The following RYR2 variants were observed in gnomAD, a reference collection of about 807,000 sequenced individuals.
RYR2 encodes cardiac muscle ryanodine receptor-calcium release channel.
Under a neutral mutation model 601.1 loss-of-function variants are expected in RYR2, and 227 were observed. The observed-to-expected ratio is 0.38, with a 90% CI of 0.34 to 0.42. The LOEUF is 0.42. RYR2 is among the 10% of genes least tolerant of loss of function. RYR2 has a pLI of 1.00. For synonymous variants in RYR2, 2,223 were observed against 2,175.1 expected, an observed-to-expected ratio of 1.02 and a Z score of -0.61; for missense variants, 4,646 against 6,156.5, an observed-to-expected ratio of 0.75 and a Z score of 8.21.
At chr1:237,609,229 A>G (rs35601523) in intron 35 of RYR2, among the ~76,000 whole-genome samples, 44,838 of 86,220 alleles carry the variant, frequency 0.52, 8,975 homozygotes, top group South Asian at 0.57. Context: ...TTTCTTTCTT[A>G]CTGACAGTCT....
intron 1 of RYR2, among the ~76,000 whole-genome samples, chr1:237,140,091 A>AT (rs1237806101): frequency 1.3e-5 from 2 of 152,264 alleles, no homozygotes; most frequent in African/African-American, 2.4e-5. Context: ...AAAAAAAGAA[A>AT]TCAGAATGAA....
intron 1 of RYR2, among the ~76,000 whole-genome samples, chr1:237,108,279 G>T (rs963670054): frequency 6.6e-6 from 1 of 152,136 alleles, no homozygotes; most frequent in African/African-American, 2.4e-5. Flanking sequence ...GGATCGGAGG[G>T]GCCCAGTATA....
chr1:237,322,452 G>T (rs1397962236), intron 2 of RYR2, among the ~76,000 whole-genome samples: 1 of 152,150 alleles, frequency 6.6e-6, no homozygotes, highest in Non-Finnish European at 1.5e-5. Context: ...TATGGCTGTT[G>T]TGGCAAAGGT....
chr1:237,697,816 T>C (rs1687626524), intron 63 of RYR2, among the ~76,000 whole-genome samples: 1 of 152,032 alleles, frequency 6.6e-6, no homozygotes, highest in Non-Finnish European at 1.5e-5. Context: ...AATCCTACCA[T>C]TCTGCTCATT....
At position 237,496,722 on chromosome 1, in the gene RYR2, T is replaced by C. The variant is rs1243704508; in HGVS notation, c.2173T>C (p.Tyr725His). 1 of 1,613,768 alleles carries C rather than the reference T, an allele frequency of 6.2e-7. No homozygotes were observed. Among genetic ancestry groups the C allele is most frequent in the Non-Finnish European group, 8.5e-7 (1 of 1,179,802 alleles). ...TGGTGTTGGAGATGATCTCTTCTCC[T>C]ATGGATTTGATGGCCTTCATCTCTG... ...GNGVGDDLFS[Y>H]GFDGLHLWSG... Residue 725 changes from tyrosine (Y) to histidine (H), a missense_variant, in exon 20 of 105, where the codon TAT becomes CAT. This residue lies in a region of RYR2 where 1,807 missense variants were observed against 2,088.1 expected (regional missense o/e 0.87). Coordinates refer to ENST00000366574, the MANE Select transcript of RYR2 (RefSeq NM_001035.3).
intron 2 of RYR2, among the ~76,000 whole-genome samples, chr1:237,328,068 A>T (rs1231825719): frequency 6.6e-6 from 1 of 152,230 alleles, no homozygotes; most frequent in Admixed American, 6.5e-5. Flanking sequence ...TTTGTAAGCC[A>T]ATTTGTAAAC....
intron 35 of RYR2, among the ~76,000 whole-genome samples, chr1:237,603,937 G>A (rs918501603): frequency 2.8e-4 from 42 of 151,978 alleles, no homozygotes; most frequent in Non-Finnish European, 5.0e-4. Flanking sequence ...CCTTAGAGAC[G>A]TACAAAGAGA....
At chr1:237,439,537 G>A (rs886514597) in intron 12 of RYR2, among the ~76,000 whole-genome samples, 23 of 151,904 alleles carry the variant, frequency 1.5e-4, no homozygotes, top group African/African-American at 4.8e-4. Context: ...CCAGCTACTC[G>A]GGAGGCTGAG....
chr1:237,500,159 T>C (rs934222001), intron 20 of RYR2, among the ~76,000 whole-genome samples: 5 of 152,192 alleles, frequency 3.3e-5, no homozygotes, highest in African/African-American at 1.2e-4. Flanking sequence ...TCTTTATGTA[T>C]TTTTATTTTA....
intron 1 of RYR2, among the ~76,000 whole-genome samples, chr1:237,145,717 AAC>A (rs1673932090): frequency 6.6e-6 from 1 of 152,176 alleles, no homozygotes; most frequent in African/African-American, 2.4e-5. Context: ...AGTTTTTTGA[AAC>A]AGACCCTCCA....
chr1:237,116,746 G>A (rs1358733543), intron 1 of RYR2, among the ~76,000 whole-genome samples: 2 of 152,044 alleles, frequency 1.3e-5, no homozygotes, highest in Non-Finnish European at 2.9e-5. Flanking sequence ...CAGTCCAGGG[G>A]CTAGAGAAGA....
In RYR2 at chr1:237,627,927, G is replaced by A; in HGVS notation, c.6287G>A (p.Gly2096Glu). 1.2e-6 allele frequency: 2 copies of A among 1,613,614 alleles called. No individual in the cohort carries two copies. Among genetic ancestry groups the A allele is most frequent in the Non-Finnish European group, 1.7e-6 (2 of 1,179,816 alleles). The part of the protein sequence containing the change: ...VLLHRQYDGI[G>E]GLVRALPKTY... The stretch of plus-strand genomic sequence containing the variant: ...CTCCATCGGCAGTATGACGGCATTG[G>A]GGGTCTTGTTCGGGCCCTGCCAAAG... The change falls in exon 41 of 105, where the codon GGG (glycine) becomes GAG (glutamate). Residue 2096 changes from glycine (G) to glutamate (E), a missense_variant. By Grantham distance (98) the Gly-to-Glu change is moderately conservative (BLOSUM62 -2). Transcript: ENST00000366574.
intron 1 of RYR2, among the ~76,000 whole-genome samples, chr1:237,235,966 A>G (rs1201908573): frequency 6.6e-6 from 1 of 152,200 alleles, no homozygotes; most frequent in Non-Finnish European, 1.5e-5. Flanking sequence ...ATTGTGTGAT[A>G]AGGATTTTTC....
At chr1:237,797,933 C>G in intron 96 of RYR2, 104 bp from the exon 97 acceptor site, 2 of 1,074,092 alleles carry the variant, frequency 1.9e-6, no homozygotes, top group Non-Finnish European at 2.7e-6. Flanking sequence ...ATTGTTAGGG[C>G]AAATATACAG....
rs1261138648 is a variant in RYR2, at chr1:237,506,701, A to T, written c.2614-9A>T. On this transcript the variant is annotated splice_polypyrimidine_tract_variant and intron_variant, in intron 22 of 104. Transcript: ENST00000366574. ...TCTGATGTGTCTTTTTTCTTTTTGT[A>T]AATTTTAGATCGTGTTGCCTCCTCA... 6.3e-7 allele frequency: 1 copy of T among 1,599,344 alleles called. No homozygotes were observed. The highest frequency in any genetic ancestry group is 8.5e-7 in the Non-Finnish European group (1 of 1,172,686).
intron 1 of RYR2, among the ~76,000 whole-genome samples, chr1:237,252,136 G>A (rs1038789761): frequency 9.2e-5 from 14 of 151,452 alleles, no homozygotes; most frequent in Non-Finnish European, 1.6e-4. Context: ...TCCTCTGCTT[G>A]CAACTCTCTG....
chr1:237,229,104 G>T (rs1449690082), intron 1 of RYR2, among the ~76,000 whole-genome samples: 2 of 146,684 alleles, frequency 1.4e-5, no homozygotes, highest in Non-Finnish European at 3.0e-5. Context: ...TGCAGACCTA[G>T]CCCTGTGGAC....
At chr1:237,331,758 C>A (rs1420698205) in intron 3 of RYR2, among the ~76,000 whole-genome samples, 4 of 151,896 alleles carry the variant, frequency 2.6e-5, no homozygotes, top group Non-Finnish European at 5.9e-5. Flanking sequence ...TCGTGATCTG[C>A]CCACCTTGGC....
At position 237,706,968 on chromosome 1, in the gene RYR2, T is replaced by C. The variant is rs772853405; in HGVS notation, c.9600T>C (p.Asn3200=). 3.1e-6 allele frequency: 5 copies of C among 1,612,546 alleles called. No individual in the cohort carries two copies. The highest frequency in any genetic ancestry group is 4.2e-6 in the Non-Finnish European group (5 of 1,178,596). ...RERAALSLPT[N]VEDVCPNIPS... ...CTCCAGCTCTCAGTTTGCCAACTAA[T>C]GTGGAAGATGTTTGTCCAAACATAC... Residue 3200 remains asparagine (N), a synonymous_variant, in exon 68 of 105, where the codon AAT becomes AAC. Coordinates refer to ENST00000366574, the MANE Select transcript of RYR2 (RefSeq NM_001035.3).
Sources: allele counts gnomAD v4.1 joint callset (sites outside exome capture counted in the v4.1 genomes callset), GRCh38; gene constraint gnomAD v4.1.1; regional missense constraint gnomAD v4.1.1; transcripts MANE v1.5; gene names NCBI Gene and HGNC (gene_info 2026-07-23, HGNC 2026-07-21).